Variants in SYNE2 observed in about 807,000 individuals in gnomAD.
SYNE2 encodes the protein nesprin-2.
SYNE2 carries 431 observed loss-of-function variants against 856.3 expected under a neutral mutation model. That is an observed-to-expected ratio of 0.50 (90% confidence interval 0.47 to 0.55). SYNE2 has a LOEUF of 0.55. SYNE2 is among the 20% of genes least tolerant of loss of function. The probability of loss-of-function intolerance (pLI) is 0.00; values close to 1 mark genes in which losing one functional copy is unlikely to be tolerated. For missense variants in SYNE2, 8,129 were observed against 8,023.2 expected, an observed-to-expected ratio of 1.01 and a Z score of -0.50; for synonymous variants, 2,923 against 2,872.3, an observed-to-expected ratio of 1.02 and a Z score of -0.56.
chr14:63,835,937 C>T lies in SYNE2; in HGVS notation c.-304-16564C>T, dbSNP rs113440804. On this transcript the variant is annotated intron_variant, in intron 1 of 23. Transcript: ENST00000674003. ...GGCAGAGGTTGCAGTGAGCTGAGAT[C>T]GTGCCGTTGCACTCCAGCCTGGGAA... is the stretch of plus-strand genomic sequence containing the variant. Among the ~76,000 whole-genome samples, 190 of 147,258 alleles carry T rather than the reference C, an allele frequency of 1.3e-3. 2 individuals are homozygous for T. The highest frequency in any genetic ancestry group is 4.4e-3 in the African/African-American group (177 of 39,948).
chr14:64,113,025 GAC>G lies in SYNE2; in HGVS notation c.12610-305_12610-304del, dbSNP rs143313918. 2.9e-5 allele frequency: 29 copies of G among 984,908 alleles called. No individual in the cohort carries two copies. In the African/African-American group the frequency reaches 4.2e-4, roughly 14 times the overall value. The allele number at this position is 984,908 out of a possible 1,614,324, so 61.0% of individuals were successfully genotyped here. A position where few individuals can be genotyped will look rare whatever the true frequency, so the allele number is the denominator to read the frequency against. Reference sequence around the variant, plus strand: ...CTGGCCAATTCCCTTAAATGTTTCGGACACACACACACCCTGTCACTCACATT... The same window carrying G: ...CTGGCCAATTCCCTTAAATGTTTCGGACACACACACCCTGTCACTCACATT... On this transcript the variant is annotated intron_variant, in intron 65 of 115. Transcript: ENST00000555002.
In SYNE2 at chr14:64,202,886, G is replaced by C. The variant is rs776933397; in HGVS notation, c.18124G>C (p.Glu6042Gln). ...CCTTCGCACCTGGTTGGCTCGAATT[G>C]AGTCTGAGCTTTCCAAGCCTGTTGT... is the stretch of plus-strand genomic sequence containing the variant. ...SNLRTWLARI[E>Q]SELSKPVVYD... Residue 6042 changes from glutamate (E) to glutamine (Q), a missense_variant, in exon 100 of 116, where the codon GAG becomes CAG. Transcript: ENST00000555002. 3 of 1,614,212 alleles carry C rather than the reference G, an allele frequency of 1.9e-6. No homozygotes were observed. The highest frequency in any genetic ancestry group is 2.5e-6 in the Non-Finnish European group (3 of 1,180,030).
chr14:63,825,491 C>G (rs1360031478), intron 1 of SYNE2, among the ~76,000 whole-genome samples: 1 of 152,018 alleles, frequency 6.6e-6, no homozygotes, highest in Non-Finnish European at 1.5e-5. Flanking sequence ...AAATATCATT[C>G]ACAACAGCAT....
chr14:63,940,760 A>C, intron 3 of SYNE2, 85 bp downstream of exon 3: 1 of 1,220,746 alleles, frequency 8.2e-7, no homozygotes, highest in South Asian at 1.2e-5. Flanking sequence ...GAGGCCATTA[A>C]AAAATGGTAC....
At chr14:64,080,947 G>A (rs563027733) in intron 56 of SYNE2, among the ~76,000 whole-genome samples, 3 of 152,266 alleles carry the variant, frequency 2.0e-5, no homozygotes, top group Admixed American at 6.5e-5. Context: ...AGGGCAGGTG[G>A]TCTCAGGAGT....
chr14:63,970,639 CTTTTCTTTTTTCTT>C (rs1383351118), intron 11 of SYNE2, among the ~76,000 whole-genome samples: 3 of 134,318 alleles, frequency 2.2e-5, no homozygotes, highest in East Asian at 2.1e-4. Flanking sequence ...TGTCTTTTTT[CTTTTCTTTTTTCTT>C]TTTTTTTTTT....
At chr14:64,209,294 G>T (rs2098627661) in intron 101 of SYNE2, 134 bp from the exon 102 acceptor site, 2 of 1,415,868 alleles carry the variant, frequency 1.4e-6, no homozygotes, top group Non-Finnish European at 2.0e-6. Flanking sequence ...GACAAGAAGT[G>T]GCGTCCCTCT....
chr14:64,128,528 G>C lies in SYNE2; in HGVS notation c.13994G>C (p.Gly4665Ala). 6.2e-7 allele frequency: 1 copy of C among 1,609,564 alleles called. No individual in the cohort carries two copies. Among genetic ancestry groups the C allele is most frequent in the Middle Eastern group, 1.7e-4 (1 of 6,054 alleles). Residue 4665 changes from glycine to alanine, a missense_variant, in exon 74 of 116, where the codon GGG becomes GCG. Gly to Ala is a moderately conservative substitution (Grantham distance 60). Transcript: ENST00000555002. ...SLQQSLNEIS[G>A]QSVAEQLQKA... The stretch of plus-strand genomic sequence containing the variant: ...CAACAGTCTTTGAATGAAATCAGTG[G>C]GCAGAGTGTTGCTGAACAGCTTCAG...
intron 35 of SYNE2, among the ~76,000 whole-genome samples, chr14:64,020,539 A>G (rs144215784): frequency 3.3e-5 from 5 of 152,268 alleles, no homozygotes; most frequent in African/African-American, 7.2e-5. Context: ...TTTAGCGTCA[A>G]TGATATTATA....
intron 2 of SYNE2, among the ~76,000 whole-genome samples, chr14:63,927,379 C>T (rs557553854): frequency 1.3e-5 from 2 of 152,108 alleles, no homozygotes. Flanking sequence ...GAGACCCCAT[C>T]TGATATGGTT....
intron 45 of SYNE2, among the ~76,000 whole-genome samples, chr14:64,045,433 G>T (rs1217715769): frequency 6.6e-6 from 1 of 151,010 alleles, no homozygotes; most frequent in East Asian, 1.9e-4. Flanking sequence ...TCTTGGGCTG[G>T]GGGTGTATTT....
intron 99 of SYNE2, among the ~76,000 whole-genome samples, chr14:64,193,905 G>A (rs536025408): frequency 6.6e-6 from 1 of 152,224 alleles, no homozygotes; most frequent in African/African-American, 2.4e-5. Context: ...GGAAACTGCA[G>A]CTCAGAGAAG....
intron 2 of SYNE2, among the ~76,000 whole-genome samples, chr14:63,933,175 G>A (rs2095787832): frequency 6.6e-6 from 1 of 152,284 alleles, no homozygotes; most frequent in African/African-American, 2.4e-5. Flanking sequence ...AACACTCTTG[G>A]AGATGCCACA....
intron 36 of SYNE2, 50 bp downstream of exon 36, chr14:64,021,565 T>G (rs769088063): frequency 6.2e-7 from 1 of 1,601,978 alleles, no homozygotes; most frequent in Non-Finnish European, 8.5e-7. Context: ...TTTCACACTA[T>G]TTGCAGTTGT....
chr14:64,221,566 GTTT>G lies in SYNE2; in HGVS notation c.20062-6_20062-4del. On this transcript the variant is annotated splice_polypyrimidine_tract_variant and splice_region_variant and intron_variant, in intron 111 of 115. Transcript: ENST00000555002. ...AGACACGGCCGCGCTCTGATGTGTT[GTTT>G]TTTAAGGACTTCCACCAGTTGAGTC... The G allele has an allele frequency of 6.2e-7, 1 of 1,614,186 alleles. No individual in the cohort carries two copies. The highest frequency in any genetic ancestry group is 8.5e-7 in the Non-Finnish European group (1 of 1,180,036).
chr14:64,148,147 A>G (rs372332958), intron 84 of SYNE2, among the ~76,000 whole-genome samples: 15 of 152,246 alleles, frequency 9.9e-5, no homozygotes, highest in African/African-American at 3.4e-4. Flanking sequence ...CCCCGTCTCT[A>G]CAAAAAACTA....
intron 1 of SYNE2, among the ~76,000 whole-genome samples, chr14:63,841,096 T>A (rs993291125): frequency 6.6e-6 from 1 of 151,964 alleles, no homozygotes; most frequent in Non-Finnish European, 1.5e-5. Context: ...AAATGAGAAG[T>A]AGCATTAATA....
rs2153454209 is a variant in SYNE2, at chr14:63,967,690, A to T, written c.991-19A>T. 1 of 1,612,620 alleles carries T rather than the reference A, an allele frequency of 6.2e-7. No individual in the cohort carries two copies. ...GGAATTAAACATTTTCAATCTTTAA[A>T]ATACTCTTCTAATTGCAGAGCCTGC... On this transcript the variant is annotated intron_variant, in intron 10 of 115. Coordinates refer to ENST00000555002, the MANE Select transcript of SYNE2 (RefSeq NM_182914.3).
chr14:63,960,985 C>A, intron 8 of SYNE2: 1 of 519,000 alleles, frequency 1.9e-6, no homozygotes, highest in African/African-American at 1.9e-5. Flanking sequence ...CAACACAAAG[C>A]CTGGCCTGTA....
Sources: gnomAD v4.1 joint callset for allele counts (sites outside exome capture counted in the v4.1 genomes callset) on GRCh38, gnomAD v4.1.1 for gene constraint, MANE v1.5 for transcripts, NCBI Gene and HGNC (gene_info 2026-07-23, HGNC 2026-07-21) for gene names.